MTA3: variants seen among roughly 807,000 people sequenced by gnomAD.
The protein encoded by MTA3 is metastasis-associated protein MTA3.
A neutral mutation model predicts 83.5 loss-of-function variants in MTA3; 34 were observed. That is an observed-to-expected ratio of 0.41 (90% CI 0.31 to 0.54). The LOEUF (loss-of-function observed/expected upper bound fraction) is 0.54. MTA3 is among the 20% of genes least tolerant of loss of function. The probability of loss-of-function intolerance (pLI) is 0.33; values close to 1 mark genes in which losing one functional copy is unlikely to be tolerated. For missense variants in MTA3, 761 were observed against 726.4 expected (o/e 1.05, Z -0.55); for synonymous variants, 303 against 252.7 (o/e 1.20, Z -1.89).
intron 4 of MTA3, among the ~76,000 whole-genome samples, chr2:42,632,153 A>G (rs1447281584): frequency 7.4e-6 from 1 of 135,396 alleles, no homozygotes; most frequent in Non-Finnish European, 1.5e-5. Flanking sequence ...GCAGTGGTAT[A>G]GTCTCGGCTC....
chr2:42,737,304 A>G (rs540787258), intron 16 of MTA3, among the ~76,000 whole-genome samples: 1 of 152,190 alleles, frequency 6.6e-6, no homozygotes, highest in East Asian at 1.9e-4. Context: ...TCAGGTTCCA[A>G]CTGCTGGGAT....
rs186397619 is a variant in MTA3, at chr2:42,639,050, G to T, written c.318-1123G>T. Among the ~76,000 whole-genome samples the T allele has an allele frequency of 9.3e-3, 1,391 of 150,214 alleles. 4 individuals are homozygous for T. The highest frequency in any genetic ancestry group is 0.014 in the Middle Eastern group (4 of 292). ...ATCCAACAGCAAGCTTTTCTAGCTT[G>T]CTTTCTTTCTTTCTTTTTTTTTTTT... is the stretch of plus-strand genomic sequence containing the variant. On this transcript the variant is annotated intron_variant, in intron 4 of 16. Coordinates refer to ENST00000405094, the MANE Select transcript of MTA3 (RefSeq NM_001330442.2).
intron 15 of MTA3, among the ~76,000 whole-genome samples, chr2:42,720,856 G>A (rs1307239320): frequency 1.3e-5 from 2 of 150,306 alleles, no homozygotes; most frequent in East Asian, 3.9e-4. Context: ...ACTGAGGTGG[G>A]AGGATTGACC....
chr2:42,582,699 A>G (rs1390206458), intron 3 of MTA3, among the ~76,000 whole-genome samples: 1 of 152,218 alleles, frequency 6.6e-6, no homozygotes, highest in African/African-American at 2.4e-5. Context: ...TTGGTAGAGC[A>G]TCTGCTGACT....
chr2:42,501,146 C>T lies in MTA3; in HGVS notation c.-141+5892C>T, dbSNP rs192801984. Among the ~76,000 whole-genome samples the T allele has an allele frequency of 4.6e-5, 7 of 152,036 alleles. No homozygotes were observed. The East Asian group carries it at 5.8e-4, about 13-fold the overall frequency. The stretch of plus-strand genomic sequence containing the variant: ...TTAATAAAGAATAATAAATTTGCTA[C>T]GAAGTAACCAGCTAAAGGAAAAGGA... On this transcript the variant is annotated intron_variant, in intron 2 of 17. Transcript: ENST00000405592.
At chr2:42,534,405 G>A (rs1676122166) in intron 2 of MTA3, among the ~76,000 whole-genome samples, 1 of 152,138 alleles carries the variant, frequency 6.6e-6, no homozygotes, top group African/African-American at 2.4e-5. Context: ...AGACCAGCCT[G>A]GCCAACACGG....
intron 2 of MTA3, among the ~76,000 whole-genome samples, chr2:42,503,506 C>T (rs929661607): frequency 1.3e-5 from 2 of 152,134 alleles, no homozygotes; most frequent in African/African-American, 2.4e-5. Flanking sequence ...TACCCAGCTC[C>T]TATTTATTCA....
chr2:42,697,382 C>CAGAGAG (rs113912244), intron 10 of MTA3, among the ~76,000 whole-genome samples: 10 of 149,544 alleles, frequency 6.7e-5, no homozygotes, highest in African/African-American at 2.0e-4. Context: ...TTTCTAAAAG[C>CAGAGAG]AGAGAGAGAG....
intron 14 of MTA3, among the ~76,000 whole-genome samples, chr2:42,711,783 A>AGTGTGTGTGT (rs763894802): frequency 1.5e-4 from 22 of 147,626 alleles, no homozygotes; most frequent in African/African-American, 5.3e-4. Context: ...AGAGAGAGAG[A>AGTGTGTGTGT]GTGTGTGTGT....
chr2:42,619,930 C>A (rs1247322413), intron 4 of MTA3, among the ~76,000 whole-genome samples: 1 of 152,118 alleles, frequency 6.6e-6, no homozygotes, highest in Non-Finnish European at 1.5e-5. Context: ...AAAACAAAGG[C>A]AAGTTCTACT....
chr2:42,750,374 G>T (rs1669781352), intron 16 of MTA3, among the ~76,000 whole-genome samples: 1 of 150,378 alleles, frequency 6.6e-6, no homozygotes, highest in South Asian at 2.1e-4. Context: ...TGTGTTATTT[G>T]GTCTCTAACA....
intron 16 of MTA3, among the ~76,000 whole-genome samples, chr2:42,746,446 A>G (rs943607500): frequency 1.3e-5 from 2 of 152,140 alleles, no homozygotes; most frequent in Non-Finnish European, 2.9e-5. Context: ...CAAGCAAGCA[A>G]TCAGTTTTGC....
rs182260628 is a variant in MTA3, at chr2:42,507,045, C to T, written c.-141+11791C>T. On this transcript the variant is annotated intron_variant, in intron 2 of 17. Coordinates refer to the MTA3 transcript ENST00000405592. ...TCAGCCTCCCGAGTAGCTGGAGTAGCATGCGTGATCACGCTTGGCTAATTT... is the reference window on the plus strand; with the variant it reads ...TCAGCCTCCCGAGTAGCTGGAGTAGTATGCGTGATCACGCTTGGCTAATTT... Among the ~76,000 whole-genome samples the T allele has an allele frequency of 4.2e-3, 640 of 152,296 alleles. 6 individuals are homozygous for T. The highest frequency in any genetic ancestry group is 0.015 in the African/African-American group (612 of 41,570).
intron 13 of MTA3, 110 bp from the exon 14 acceptor site, chr2:42,708,764 T>G (rs948547365): frequency 3.5e-6 from 4 of 1,129,308 alleles, no homozygotes; most frequent in Non-Finnish European, 5.2e-6. Flanking sequence ...ACGTTATAGA[T>G]GCTTCATGAA....
At chr2:42,634,143 CAACAAAAAATTA>C (rs2104272085) in intron 4 of MTA3, among the ~76,000 whole-genome samples, 1 of 152,146 alleles carries the variant, frequency 6.6e-6, no homozygotes, top group Non-Finnish European at 1.5e-5. Context: ...ACAGCCTCCA[CAACAAAAAATTA>C]TCTGGCCCAA....
At chr2:42,746,258 A>G (rs1157693419) in intron 16 of MTA3, among the ~76,000 whole-genome samples, 1 of 152,188 alleles carries the variant, frequency 6.6e-6, no homozygotes, top group Non-Finnish European at 1.5e-5. Context: ...CTTGAAATAG[A>G]ATGATTCTTA....
intron 8 of MTA3, among the ~76,000 whole-genome samples, chr2:42,667,570 T>TTATGTGTGTGTGTG (rs770325715): frequency 1.7e-4 from 25 of 145,112 alleles, no homozygotes; most frequent in African/African-American, 4.8e-4. Context: ...CATTTAAAAA[T>TTATGTGTGTGTGTG]TGTGTGTGTG....
At chr2:42,739,476 A>C (rs1254062754) in intron 16 of MTA3, among the ~76,000 whole-genome samples, 1 of 150,534 alleles carries the variant, frequency 6.6e-6, no homozygotes, top group Non-Finnish European at 1.5e-5. Context: ...TGATCATCTG[A>C]GCCTTCTATG....
At chr2:42,705,429 G>T (rs1177942189) in intron 12 of MTA3, among the ~76,000 whole-genome samples, 2 of 152,214 alleles carry the variant, frequency 1.3e-5, no homozygotes, top group Non-Finnish European at 2.9e-5. Flanking sequence ...TGCAGGCAGG[G>T]TGCTGTGGCT....
Sources: gnomAD v4.1 joint callset for allele counts (sites outside exome capture counted in the v4.1 genomes callset) on GRCh38, gnomAD v4.1.1 for gene constraint, MANE v1.5 for transcripts, NCBI Gene and HGNC (gene_info 2026-07-23, HGNC 2026-07-21) for gene names.